The following LRFN5 variants were observed in gnomAD, a reference collection of about 807,000 sequenced individuals.
LRFN5 encodes leucine-rich repeat and fibronectin type-III domain-containing protein 5.
In LRFN5, 24 loss-of-function variants were observed where a neutral mutation model predicts 45.6. The observed-to-expected ratio is 0.53, with a 90% confidence interval of 0.38 to 0.74. The LOEUF (loss-of-function observed/expected upper bound fraction) is 0.74. LRFN5 is among the 30% of genes least tolerant of loss of function. The pLI, the probability that LRFN5 is intolerant of heterozygous loss-of-function variation, is 0.00. For missense variants in LRFN5, 776 were observed against 861.5 expected (o/e 0.90, Z 1.24); for synonymous variants, 340 against 313.8 (o/e 1.08, Z -0.88).
At chr14:41,875,423 A>G (rs1444949199) in intron 2 of LRFN5, among the ~76,000 whole-genome samples, 2 of 152,182 alleles carry the variant, frequency 1.3e-5, no homozygotes, top group East Asian at 1.9e-4. Flanking sequence ...GAACACATTT[A>G]CCTTCACAGT....
At chr14:41,892,389 T>G in intron 4 of LRFN5, 1 of 985,124 alleles carries the variant, frequency 1.0e-6, no homozygotes, top group Non-Finnish European at 1.2e-6. Context: ...AAGCATGACA[T>G]AGCAGCAGTG....
intron 1 of LRFN5, among the ~76,000 whole-genome samples, chr14:41,715,290 T>C (rs939045637): frequency 6.6e-6 from 1 of 152,166 alleles, no homozygotes; most frequent in African/African-American, 2.4e-5. Context: ...TTTGATCTTA[T>C]ATCCTTCCTT....
intron 4 of LRFN5, chr14:41,893,889 G>T (rs1890860576): frequency 3.0e-6 from 3 of 985,234 alleles, no homozygotes; most frequent in South Asian, 9.4e-5. Flanking sequence ...TTTATTTCGT[G>T]TAAGGAATAG....
At chr14:41,839,479 T>G (rs1888784430) in intron 2 of LRFN5, among the ~76,000 whole-genome samples, 1 of 152,178 alleles carries the variant, frequency 6.6e-6, no homozygotes, top group Non-Finnish European at 1.5e-5. Flanking sequence ...TCTCTGTTTT[T>G]ACATTCACCT....
intron 1 of LRFN5, among the ~76,000 whole-genome samples, chr14:41,717,527 A>C (rs1040806289): frequency 3.3e-5 from 5 of 152,198 alleles, no homozygotes; most frequent in African/African-American, 1.2e-4. Context: ...ACTTGGATCC[A>C]TGATGAAATT....
intron 1 of LRFN5, among the ~76,000 whole-genome samples, chr14:41,722,240 TTA>T (rs1594645821): frequency 6.6e-6 from 1 of 152,114 alleles, no homozygotes; most frequent in East Asian, 1.9e-4. Context: ...TTTAAAATGT[TTA>T]TGTCTTCCTT....
At chr14:41,746,479 A>G (rs1884924859) in intron 1 of LRFN5, among the ~76,000 whole-genome samples, 2 of 152,066 alleles carry the variant, frequency 1.3e-5, no homozygotes, top group Admixed American at 6.6e-5. Context: ...ATGGAGTGGT[A>G]GGTCTTTGCC....
intron 1 of LRFN5, among the ~76,000 whole-genome samples, chr14:41,673,762 T>C (rs1487902086): frequency 0.017 from 1,277 of 74,658 alleles, no homozygotes; most frequent in Middle Eastern, 0.081. Flanking sequence ...AGAGGCACCC[T>C]TCACCTCCCG....
intron 2 of LRFN5, among the ~76,000 whole-genome samples, chr14:41,863,206 C>A (rs1889729138): frequency 6.6e-6 from 1 of 152,132 alleles, no homozygotes; most frequent in Non-Finnish European, 1.5e-5. Context: ...GTAGTAAATT[C>A]TAATAGATAT....
At chr14:41,661,135 T>G (rs919162372) in intron 1 of LRFN5, among the ~76,000 whole-genome samples, 5 of 151,700 alleles carry the variant, frequency 3.3e-5, no homozygotes, top group African/African-American at 1.2e-4. Flanking sequence ...CTTTAGAGAT[T>G]AAAGAGATAT....
intron 2 of LRFN5, 27 bp from the exon 3 acceptor site, chr14:41,886,579 C>T: frequency 1.4e-6 from 2 of 1,399,154 alleles, no homozygotes; most frequent in South Asian, 1.4e-5. Context: ...TGGATGCTAA[C>T]ATTCTATTTT....
At chr14:41,895,966 T>C (rs1156707192) in intron 4 of LRFN5, among the ~76,000 whole-genome samples, 1 of 152,112 alleles carries the variant, frequency 6.6e-6, no homozygotes, top group Admixed American at 6.5e-5. Flanking sequence ...TCTTTTAGTT[T>C]TGTAATGTAT....
At chr14:41,630,242 T>C (rs1888487192) in intron 1 of LRFN5, among the ~76,000 whole-genome samples, 1 of 152,160 alleles carries the variant, frequency 6.6e-6, no homozygotes, top group Non-Finnish European at 1.5e-5. Context: ...GAAGGACCTA[T>C]ATACATCTTG....
At chr14:41,733,507 G>T (rs1483796916) in intron 1 of LRFN5, 1 of 152,142 alleles carries the variant, frequency 6.6e-6, no homozygotes, top group East Asian at 1.9e-4. Flanking sequence ...ATAAAGAAAA[G>T]CTGAAGTAGT....
At chr14:41,679,239 T>A (rs895931039) in intron 1 of LRFN5, among the ~76,000 whole-genome samples, 1 of 152,140 alleles carries the variant, frequency 6.6e-6, no homozygotes, top group African/African-American at 2.4e-5. Context: ...GCCAATGGAC[T>A]TAGCAGCCAT....
chr14:41,663,498 T>A (rs1417557961), intron 1 of LRFN5, among the ~76,000 whole-genome samples: 1 of 152,048 alleles, frequency 6.6e-6, no homozygotes. Context: ...ATGAACCCTT[T>A]GTGTAAGAAT....
At chr14:41,697,383 T>A (rs897149909) in intron 1 of LRFN5, among the ~76,000 whole-genome samples, 1 of 151,912 alleles carries the variant, frequency 6.6e-6, no homozygotes, top group African/African-American at 2.4e-5. Context: ...ATTATTCAAA[T>A]CAGAAGTGGA....
At chr14:41,742,712 A>T (rs2138824443) in intron 1 of LRFN5, 1 of 154,060 alleles carries the variant, frequency 6.5e-6, no homozygotes, top group East Asian at 1.9e-4. Flanking sequence ...AGGTGTGTGT[A>T]GCGCACTACA....
At chr14:41,771,389 G>A (rs750547082) in intron 2 of LRFN5, among the ~76,000 whole-genome samples, 1 of 151,770 alleles carries the variant, frequency 6.6e-6, no homozygotes, top group Non-Finnish European at 1.5e-5. Context: ...TTCTTTCTCT[G>A]TCACTTGGCC....
Sources: allele counts gnomAD v4.1 joint callset (sites outside exome capture counted in the v4.1 genomes callset), GRCh38; gene constraint gnomAD v4.1.1; transcripts MANE v1.5; gene names NCBI Gene and HGNC (gene_info 2026-07-23, HGNC 2026-07-21).